JAZF1: variants seen among roughly 807,000 people sequenced by gnomAD.
JAZF1 encodes juxtaposed with another zinc finger protein 1.
A neutral mutation model predicts 26.4 loss-of-function variants in JAZF1; 8 were observed. The ratio of observed to expected loss-of-function variants is 0.30; its 90% CI spans 0.18 to 0.55. JAZF1 has a LOEUF of 0.55. JAZF1 is among the 20% of genes least tolerant of loss of function. The probability of loss-of-function intolerance (pLI) is 0.94; values close to 1 mark genes in which losing one functional copy is unlikely to be tolerated. For missense variants in JAZF1, 199 were observed against 322.0 expected, an observed-to-expected ratio of 0.62 and a Z score of 2.92; for synonymous variants, 126 against 122.3, an observed-to-expected ratio of 1.03 and a Z score of -0.20.
intron 3 of JAZF1, among the ~76,000 whole-genome samples, chr7:27,859,454 G>T: frequency 6.6e-6 from 1 of 152,202 alleles, no homozygotes; most frequent in South Asian, 2.1e-4. Context: ...GTTTACAACA[G>T]CAAAGACTTG....
chr7:27,905,163 T>C (rs1367761312), intron 2 of JAZF1, among the ~76,000 whole-genome samples: 1 of 152,108 alleles, frequency 6.6e-6, no homozygotes, highest in African/African-American at 2.4e-5. Context: ...AGGATCCCAC[T>C]CTGCTGCCCA....
intron 3 of JAZF1, among the ~76,000 whole-genome samples, chr7:27,851,985 T>G (rs770862536): frequency 6.6e-6 from 1 of 151,990 alleles, no homozygotes; most frequent in Non-Finnish European, 1.5e-5. Context: ...GGACCCACAC[T>G]GATGCCTGGG....
chr7:27,997,064 T>C (rs1786031599), intron 1 of JAZF1, among the ~76,000 whole-genome samples: 1 of 152,226 alleles, frequency 6.6e-6, no homozygotes, highest in African/African-American at 2.4e-5. Flanking sequence ...AACCAGTGTT[T>C]TGGAAAATGG....
chr7:27,868,289 AC>A lies in JAZF1; in HGVS notation c.385+26930del, dbSNP rs1406550907. Among the ~76,000 whole-genome samples, 10 of 152,290 alleles carry A rather than the reference AC, an allele frequency of 6.6e-5. No homozygotes were observed. The East Asian group carries it at 1.7e-3, about 26-fold the overall frequency. On this transcript the variant is annotated intron_variant, in intron 3 of 4. Transcript: ENST00000283928. The stretch of plus-strand genomic sequence containing the variant: ...GAACTCCAGGAGCAGCGGGGTTAAC[AC>A]GGGTGACCAATTTCTCCTGCCCACT...
chr7:28,093,654 C>T (rs1784337286), intron 1 of JAZF1, among the ~76,000 whole-genome samples: 1 of 152,190 alleles, frequency 6.6e-6, no homozygotes, highest in African/African-American at 2.4e-5. Flanking sequence ...AAAATCCAGT[C>T]AGCTCTCTCA....
intron 1 of JAZF1, among the ~76,000 whole-genome samples, chr7:28,084,311 A>T (rs1286476539): frequency 6.6e-6 from 1 of 152,222 alleles, no homozygotes; most frequent in Admixed American, 6.5e-5. Context: ...AACTAACAGC[A>T]ACAACAAAAA....
intron 2 of JAZF1, among the ~76,000 whole-genome samples, chr7:27,975,711 A>T (rs1040473049): frequency 3.3e-5 from 5 of 152,238 alleles, no homozygotes; most frequent in Non-Finnish European, 7.3e-5. Context: ...TGATAAGTTT[A>T]AAAATTTTGA....
chr7:28,111,605 T>C (rs1032240062), intron 1 of JAZF1, among the ~76,000 whole-genome samples: 9 of 152,370 alleles, frequency 5.9e-5, no homozygotes, highest in Admixed American at 5.2e-4. Flanking sequence ...AAATCTATGC[T>C]ATTCATCTTA....
At chr7:27,836,772 CTG>C (rs977595823) in intron 4 of JAZF1, among the ~76,000 whole-genome samples, 2 of 152,214 alleles carry the variant, frequency 1.3e-5, no homozygotes, top group Non-Finnish European at 2.9e-5. Context: ...GCAGCACACA[CTG>C]TGTCCAGCAA....
intron 1 of JAZF1, among the ~76,000 whole-genome samples, chr7:28,100,881 T>G (rs1223561429): frequency 6.6e-6 from 1 of 152,140 alleles, no homozygotes; most frequent in Non-Finnish European, 1.5e-5. Flanking sequence ...GCATCTACAC[T>G]GTATTTTGTA....
At chr7:27,999,465 C>T (rs995696673) in intron 1 of JAZF1, among the ~76,000 whole-genome samples, 3 of 152,274 alleles carry the variant, frequency 2.0e-5, no homozygotes, top group Admixed American at 6.5e-5. Context: ...GAACATGAGG[C>T]TCTCGAATTC....
At chr7:28,018,066 G>A (rs914587508) in intron 1 of JAZF1, among the ~76,000 whole-genome samples, 10 of 152,178 alleles carry the variant, frequency 6.6e-5, no homozygotes, top group African/African-American at 1.7e-4. Flanking sequence ...TGAAGGAAAC[G>A]GGCAGGGAGA....
chr7:28,148,062 T>C (rs2127947459), intron 1 of JAZF1, among the ~76,000 whole-genome samples: 1 of 142,940 alleles, frequency 7.0e-6, no homozygotes, highest in East Asian at 2.1e-4. Flanking sequence ...TGTCACTTTA[T>C]CACATGTTTC....
chr7:28,141,238 A>G lies in JAZF1; in HGVS notation c.115+39225T>C, dbSNP rs77963954. On this transcript the variant is annotated intron_variant, in intron 1 of 4. Transcript: ENST00000283928. Reference sequence around the variant, plus strand: ...TAGAAGGTTGAAGTTAACAAACAAAATGAACAAGCACCTCCTACATGGAAA... The same window carrying G: ...TAGAAGGTTGAAGTTAACAAACAAAGTGAACAAGCACCTCCTACATGGAAA... 4.8e-3 allele frequency among the ~76,000 whole-genome samples: 737 copies of G among 152,334 alleles called. 6 individuals carry two copies. Among genetic ancestry groups the G allele is most frequent in the African/African-American group, 0.017 (708 of 41,568 alleles).
At chr7:28,118,658 A>G (rs1285491179) in intron 1 of JAZF1, among the ~76,000 whole-genome samples, 1 of 152,184 alleles carries the variant, frequency 6.6e-6, no homozygotes. Flanking sequence ...CTAATTTTCC[A>G]TATTAACATT....
At chr7:27,854,980 C>T (rs1783218325) in intron 3 of JAZF1, among the ~76,000 whole-genome samples, 1 of 152,204 alleles carries the variant, frequency 6.6e-6, no homozygotes, top group Non-Finnish European at 1.5e-5. Flanking sequence ...CCATTCCCCA[C>T]TTCACTTTCA....
At chr7:28,152,168 T>A (rs1183605919) in intron 1 of JAZF1, among the ~76,000 whole-genome samples, 1 of 152,216 alleles carries the variant, frequency 6.6e-6, no homozygotes, top group African/African-American at 2.4e-5. Context: ...CAACAACAAC[T>A]ACTACTACAG....
At chr7:27,946,250 T>A (rs1784923021) in intron 2 of JAZF1, among the ~76,000 whole-genome samples, 1 of 152,210 alleles carries the variant, frequency 6.6e-6, no homozygotes, top group African/African-American at 2.4e-5. Flanking sequence ...ATCCAGGAGA[T>A]ATGTTTAAAT....
chr7:27,886,690 T>A lies in JAZF1; in HGVS notation c.385+8530A>T, dbSNP rs138101772. Among the ~76,000 whole-genome samples, 236 of 152,382 alleles carry A rather than the reference T, an allele frequency of 1.5e-3. 1 individual carries two copies. The highest frequency in any genetic ancestry group is 5.3e-3 in the African/African-American group (221 of 41,606). On this transcript the variant is annotated intron_variant, in intron 3 of 4. Coordinates refer to ENST00000283928, the MANE Select transcript of JAZF1 (RefSeq NM_175061.4). ...AGTTGTCTGTTCCACAAGCATATGT[T>A]GCCTGCTTCTATTAAGGGATGTAAG... is the stretch of plus-strand genomic sequence containing the variant.
Sources: allele counts gnomAD v4.1 joint callset (sites outside exome capture counted in the v4.1 genomes callset), GRCh38; gene constraint gnomAD v4.1.1; transcripts MANE v1.5; gene names NCBI Gene and HGNC (gene_info 2026-07-23, HGNC 2026-07-21).